Variants in MITF observed in about 807,000 individuals in gnomAD.
The protein encoded by MITF is microphthalmia-associated transcription factor.
A neutral mutation model predicts 60.5 loss-of-function variants in MITF; 17 were observed. The ratio of observed to expected loss-of-function variants is 0.28; its 90% CI spans 0.19 to 0.42. MITF has a LOEUF of 0.42. Among genes scored for constraint, MITF ranks in the 10% least tolerant of loss-of-function variants. MITF has a pLI of 1.00. For synonymous variants in MITF, 260 were observed against 248.5 expected (o/e 1.05, Z -0.43); for missense variants, 622 against 683.5 (o/e 0.91, Z 1.00).
At chr3:69,802,748 A>G (rs1575736984) in intron 1 of MITF, among the ~76,000 whole-genome samples, 1 of 130,732 alleles carries the variant, frequency 7.6e-6, no homozygotes, top group South Asian at 2.4e-4. Context: ...CTGGAGTGCA[A>G]TGGTGTGATC....
chr3:69,739,636 C>T lies in MITF; in HGVS notation c.39C>T (p.Val13=). The change falls in exon 1 of 10, where the codon GTC becomes GTT. Residue 13 remains valine, a synonymous_variant. Coordinates refer to ENST00000352241, the MANE Select transcript of MITF (RefSeq NM_001354604.2). ...SESGIVPDFE[V]GEEFHEEPKT... is the part of the protein sequence containing the mutation. ...CGGGGATCGTGCCGGATTTCGAAGT[C>T]GGGGAGGAGTTTCATGAAGAGCCCA... 1 of 1,583,760 alleles carries T rather than the reference C, an allele frequency of 6.3e-7. No individual in the cohort carries two copies.
chr3:69,756,037 T>A (rs1272970097), intron 1 of MITF, among the ~76,000 whole-genome samples: 1 of 152,208 alleles, frequency 6.6e-6, no homozygotes, highest in Non-Finnish European at 1.5e-5. Context: ...CTTATCACTG[T>A]TGAGTAAATA....
chr3:69,910,948 T>C lies in MITF; in HGVS notation c.355-26874T>C, dbSNP rs112438499. 2.0e-3 allele frequency among the ~76,000 whole-genome samples: 301 copies of C among 152,076 alleles called. 1 individual carries two copies. The highest frequency in any genetic ancestry group is 7.1e-3 in the African/African-American group (293 of 41,470). ...GTTTTGAAATGTGAGGACATGAGAT[T>C]TGGAGGGGCCAGGGGTGGAATGATA... is the stretch of plus-strand genomic sequence containing the variant. On this transcript the variant is annotated intron_variant, in intron 2 of 9. Transcript: ENST00000352241.
chr3:69,942,932 G>T (rs1163640072), intron 5 of MITF, among the ~76,000 whole-genome samples: 1 of 152,134 alleles, frequency 6.6e-6, no homozygotes, highest in Non-Finnish European at 1.5e-5. Flanking sequence ...CATTTTGCTA[G>T]TGGTGTCAAA....
Position 69,867,723 on chromosome 3 carries a change from G to A in MITF, c.105-11411G>A, listed in dbSNP as rs199746493. Among the ~76,000 whole-genome samples, 4 of 152,186 alleles carry A rather than the reference G, an allele frequency of 2.6e-5. No individual in the cohort carries two copies. In the East Asian group the frequency reaches 7.7e-4, roughly 29 times the overall value. ...TTACTAATTTTTTAATATTAATAATGGATGGCATGAACAAATGAAACTTGC... is the reference window on the plus strand; with the variant it reads ...TTACTAATTTTTTAATATTAATAATAGATGGCATGAACAAATGAAACTTGC... On this transcript the variant is annotated intron_variant, in intron 1 of 9. Coordinates refer to ENST00000352241, the MANE Select transcript of MITF (RefSeq NM_001354604.2).
intron 1 of MITF, among the ~76,000 whole-genome samples, chr3:69,747,431 C>T (rs139711924): frequency 4.5e-4 from 68 of 152,340 alleles, no homozygotes; most frequent in Admixed American, 3.4e-3. Context: ...GGCTCTGTGA[C>T]TTTGGTCAAG....
chr3:69,857,360 C>T (rs533476275), intron 1 of MITF, among the ~76,000 whole-genome samples: 4 of 151,116 alleles, frequency 2.6e-5, no homozygotes, highest in South Asian at 4.2e-4. Context: ...CTGCCCCCCC[C>T]AGTTTCTTTC....
At chr3:69,905,945 A>G (rs973037359) in intron 2 of MITF, among the ~76,000 whole-genome samples, 1 of 152,100 alleles carries the variant, frequency 6.6e-6, no homozygotes, top group African/African-American at 2.4e-5. Flanking sequence ...TTCTATTAAT[A>G]GTGTCTTTTG....
chr3:69,790,145 G>A (rs1302340085), intron 1 of MITF, among the ~76,000 whole-genome samples: 1 of 152,074 alleles, frequency 6.6e-6, no homozygotes, highest in African/African-American at 2.4e-5. Context: ...TGAATCTTTA[G>A]GACATTATAG....
intron 1 of MITF, among the ~76,000 whole-genome samples, chr3:69,781,208 G>A (rs1396276363): frequency 6.6e-6 from 1 of 151,984 alleles, no homozygotes; most frequent in Admixed American, 6.6e-5. Context: ...TAAGTGATAA[G>A]ACAGATCTTT....
At chr3:69,817,085 C>T (rs909498571) in intron 1 of MITF, among the ~76,000 whole-genome samples, 1 of 152,080 alleles carries the variant, frequency 6.6e-6, no homozygotes, top group East Asian at 1.9e-4. Context: ...TGAAAATACT[C>T]ATATAAGTTT....
intron 1 of MITF, among the ~76,000 whole-genome samples, chr3:69,871,073 A>T (rs1371859482): frequency 6.6e-6 from 1 of 152,118 alleles, no homozygotes; most frequent in Non-Finnish European, 1.5e-5. Flanking sequence ...GAATGATTTG[A>T]TACAGGTGCT....
At chr3:69,759,005 A>G (rs2062171167) in intron 1 of MITF, among the ~76,000 whole-genome samples, 1 of 152,210 alleles carries the variant, frequency 6.6e-6, no homozygotes, top group Non-Finnish European at 1.5e-5. Flanking sequence ...TGTTACTGCT[A>G]TTGGTGCTAA....
At position 69,795,934 on chromosome 3, in the gene MITF, T is replaced by A. The variant is rs571180315; in HGVS notation, c.104+56233T>A. On this transcript the variant is annotated intron_variant, in intron 1 of 9. Transcript: ENST00000352241. ...TTTTATATAGGGGTCTTTTACATCA[T>A]AAATCAAATCCACTGTTATGAAGCA... Among the ~76,000 whole-genome samples, 5 of 152,356 alleles carry A rather than the reference T, an allele frequency of 3.3e-5. No individual in the cohort carries two copies. The East Asian group carries it at 9.6e-4, about 29-fold the overall frequency.
chr3:69,895,682 G>T (rs2064857892), intron 2 of MITF, among the ~76,000 whole-genome samples: 1 of 152,044 alleles, frequency 6.6e-6, no homozygotes, highest in Non-Finnish European at 1.5e-5. Context: ...TTCAGTCAGT[G>T]GGTATAGGAC....
chr3:69,879,314 A>G lies in MITF; in HGVS notation c.285A>G (p.Thr95=), dbSNP rs200726397. Residue 95 remains threonine (T), a synonymous_variant, in exon 2 of 10, where the codon ACA becomes ACG. Transcript: ENST00000352241. The part of the protein sequence containing the change: ...FMQQRVPVSQ[T]PAINVSVPTT... ...AACAGAGAGTGCCCGTGAGTCAGAC[A>G]CCAGCCATAAACGTCAGTGTGCCCA... 1.3e-6 allele frequency: 2 copies of G among 1,596,680 alleles called. No individual in the cohort carries two copies. The highest frequency in any genetic ancestry group is 1.7e-6 in the Non-Finnish European group (2 of 1,171,880).
chr3:69,805,359 C>A (rs74491124), intron 1 of MITF, among the ~76,000 whole-genome samples: 1 of 152,010 alleles, frequency 6.6e-6, no homozygotes, highest in Non-Finnish European at 1.5e-5. Context: ...CAGAATCCCC[C>A]TCTAATAATT....
intron 1 of MITF, among the ~76,000 whole-genome samples, chr3:69,826,580 T>C (rs961534520): frequency 1.3e-5 from 2 of 152,196 alleles, no homozygotes; most frequent in Admixed American, 6.5e-5. Flanking sequence ...AATGTGAGGT[T>C]GAAGACACAA....
intron 1 of MITF, among the ~76,000 whole-genome samples, chr3:69,854,556 T>C (rs971025546): frequency 6.6e-6 from 1 of 152,220 alleles, no homozygotes; most frequent in African/African-American, 2.4e-5. Context: ...TGCTTTTTAA[T>C]ATTATTGATC....
Sources: allele counts gnomAD v4.1 joint callset (sites outside exome capture counted in the v4.1 genomes callset), GRCh38; gene constraint gnomAD v4.1.1; transcripts MANE v1.5; gene names NCBI Gene and HGNC (gene_info 2026-07-23, HGNC 2026-07-21).